FCHO1: variants seen among roughly 807,000 people sequenced by gnomAD.
FCHO1 encodes F-BAR domain only protein 1.
A neutral mutation model predicts 114.4 loss-of-function variants in FCHO1; 45 were observed. That is an observed-to-expected ratio of 0.39 (90% CI 0.31 to 0.50). The LOEUF (loss-of-function observed/expected upper bound fraction) is 0.50, where lower values mean the gene tolerates loss of function less well. FCHO1 is among the 20% of genes least tolerant of loss of function. The pLI is 0.77. For missense variants in FCHO1, 1,042 were observed against 1,209.6 expected, an observed-to-expected ratio of 0.86 and a Z score of 2.06; for synonymous variants, 480 against 488.9, an observed-to-expected ratio of 0.98 and a Z score of 0.24.
rs747707416 is a variant in FCHO1 at position 17,774,399 on chromosome 19, A to G, written c.841A>G (p.Lys281Glu). ...GCCCCCCAATCTATCCTCAGCGATG[A>G]AACGTTTGCGGGGAGCCAAGGCCTT... ...YSAAALQEAM[K>E]RLRGAKAFRL... The change falls in exon 13 of 29, where the codon AAA becomes GAA. Residue 281 changes from lysine (K) to glutamate (E), a missense_variant. Lys to Glu is a moderately conservative substitution (Grantham distance 56). Around this residue, in one of 3 missense-constraint regions of FCHO1, gnomAD observed 450 missense variants for 564.1 expected, o/e 0.80. Transcript: ENST00000596536. The G allele has an allele frequency of 4.3e-6, 7 of 1,614,048 alleles. No individual in the cohort carries two copies. The highest frequency in any genetic ancestry group is 5.9e-6 in the Non-Finnish European group (7 of 1,180,004).
At chr19:17,762,427 G>C (rs998574409) in intron 4 of FCHO1, among the ~76,000 whole-genome samples, 1 of 152,078 alleles carries the variant, frequency 6.6e-6, no homozygotes, top group Non-Finnish European at 1.5e-5. Flanking sequence ...GAAAAGGGGA[G>C]GAGACTGAGA....
intron 4 of FCHO1, among the ~76,000 whole-genome samples, chr19:17,762,370 T>C (rs778098328): frequency 2.0e-5 from 3 of 151,692 alleles, no homozygotes; most frequent in Non-Finnish European, 2.9e-5. Context: ...TGACTTCCAG[T>C]ATCCCCTGTG....
chr19:17,752,625 G>A (rs2082272436), intron 1 of FCHO1, among the ~76,000 whole-genome samples: 1 of 151,018 alleles, frequency 6.6e-6, no homozygotes, highest in African/African-American at 2.4e-5. Context: ...AAGGCCAGGG[G>A]TTGTGGCTCA....
At chr19:17,757,831 G>C (rs1265409915) in intron 4 of FCHO1, among the ~76,000 whole-genome samples, 1 of 148,912 alleles carries the variant, frequency 6.7e-6, no homozygotes, top group South Asian at 2.1e-4. Flanking sequence ...TGGGAGGATC[G>C]CTTGAGCCTG....
In FCHO1 at chr19:17,775,554, C is replaced by T. The variant is rs1423129483; in HGVS notation, c.1003+41C>T. The stretch of plus-strand genomic sequence containing the variant: ...CCCCTGGGGGCAGTTGTTGGCACAG[C>T]AAGGACAAAATTCTCCGTAATAACC... On this transcript the variant is annotated intron_variant, in intron 15 of 28. Coordinates refer to ENST00000596536, the MANE Select transcript of FCHO1 (RefSeq NM_015122.3). This position sits in a 1 kb window ranked among gnomAD's most constrained non-coding sequence, Gnocchi z 5.1. 1 of 1,575,310 alleles carries T rather than the reference C, an allele frequency of 6.3e-7. No individual in the cohort carries two copies. The highest frequency in any genetic ancestry group is 8.7e-7 in the Non-Finnish European group (1 of 1,145,180).
At chr19:17,770,319 A>G in intron 7 of FCHO1, 106 bp from the exon 8 acceptor site, 1 of 968,078 alleles carries the variant, frequency 1.0e-6, no homozygotes, top group Non-Finnish European at 1.4e-6. Context: ...CCAAACCAAA[A>G]CACACACACA....
chr19:17,771,358 T>TAAAAA (rs1269242537), intron 9 of FCHO1, among the ~76,000 whole-genome samples: 3 of 112,588 alleles, frequency 2.7e-5, no homozygotes, highest in Middle Eastern at 5.5e-3. Context: ...CAGGTGTATA[T>TAAAAA]AAAAAAAAAA....
chr19:17,764,564 A>G (rs1245758603), intron 6 of FCHO1, 115 bp downstream of exon 6: 31 of 775,036 alleles, frequency 4.0e-5, no homozygotes, highest in Non-Finnish European at 6.4e-5. Context: ...TTATGGGGCT[A>G]TTTGGATAGA....
Position 17,778,857 on chromosome 19 carries a change from T to C in FCHO1, c.1600T>C (p.Trp534Arg), listed in dbSNP as rs2147216390. ...GCCCCTCGCCTCGTCTCCAGGCCCC[T>C]GGGGGCTGGAGGCCTTGGCCGGAGG... ...PQPLASSPGP[W>R]GLEALAGGDL... Residue 534 changes from tryptophan to arginine, a missense_variant, in exon 20 of 29, where the codon TGG becomes CGG. Physicochemically the swap from Trp to Arg is moderately radical, Grantham distance 101. Coordinates refer to ENST00000596536, the MANE Select transcript of FCHO1 (RefSeq NM_015122.3). 1 of 1,568,712 alleles carries C rather than the reference T, an allele frequency of 6.4e-7. No homozygotes were observed. The highest frequency in any genetic ancestry group is 8.6e-7 in the Non-Finnish European group (1 of 1,165,280).
Position 17,787,774 on chromosome 19 carries a change from C to CT in FCHO1, c.2576dup (p.Ser860ValfsTer66). 1 of 1,611,686 alleles carries CT rather than the reference C, an allele frequency of 6.2e-7. No individual in the cohort carries two copies. The highest frequency in any genetic ancestry group is 8.5e-7 in the Non-Finnish European group (1 of 1,179,352). On this transcript the variant is annotated frameshift_variant, in exon 28 of 29. Transcript: ENST00000596536. LOFTEE classifies it high-confidence loss of function. ...ACAGTTCACCAGCGAGGGGACCACT[C>CT]TGTCGGGCGTGGACTTGGAACTGGT...
At chr19:17,752,302 A>G (rs2082165713) in intron 1 of FCHO1, 1 of 152,114 alleles carries the variant, frequency 6.6e-6, no homozygotes, top group Non-Finnish European at 1.5e-5. Flanking sequence ...TCTTTCAACC[A>G]GGTTGGAGTG....
chr19:17,760,418 T>C (rs2085650634), intron 4 of FCHO1, among the ~76,000 whole-genome samples: 1 of 152,142 alleles, frequency 6.6e-6, no homozygotes, highest in Non-Finnish European at 1.5e-5. Flanking sequence ...TGACAGAATC[T>C]GGCCGGCGTT....
chr19:17,785,677 CA>C (rs956093525), intron 26 of FCHO1, among the ~76,000 whole-genome samples: 15 of 147,622 alleles, frequency 1.0e-4, no homozygotes, highest in African/African-American at 3.0e-4. Context: ...ACTAAAAATA[CA>C]AAAAAAAAAT....
chr19:17,787,771 A>G lies in FCHO1; in HGVS notation c.2572A>G (p.Thr858Ala). The change falls in exon 28 of 29, where the codon ACT (threonine) becomes GCT (alanine). Residue 858 changes from threonine to alanine, a missense_variant. Transcript: ENST00000596536. ...TGCACAGTTCACCAGCGAGGGGACC[A>G]CTCTGTCGGGCGTGGACTTGGAACT... ...VAAQFTSEGT[T>A]LSGVDLELVG... is the part of the protein sequence containing the mutation. The G allele has an allele frequency of 6.2e-7, 1 of 1,611,118 alleles. No homozygotes were observed. The highest frequency in any genetic ancestry group is 1.3e-5 in the African/African-American group (1 of 74,976).
At chr19:17,760,425 C>T (rs1048707523) in intron 4 of FCHO1, among the ~76,000 whole-genome samples, 2 of 152,058 alleles carry the variant, frequency 1.3e-5, no homozygotes, top group Non-Finnish European at 2.9e-5. Context: ...ATCTGGCCGG[C>T]GTTAAGATAT....
In FCHO1 at chr19:17,781,832, T is replaced by C; in HGVS notation, c.1937+12T>C. 6.4e-7 allele frequency: 1 copy of C among 1,550,906 alleles called. No individual in the cohort carries two copies. The highest frequency in any genetic ancestry group is 1.2e-5 in the South Asian group (1 of 83,658). ...GGCCACAGCCCCAGGTACCCAGTGA[T>C]GGGCAGACAGGGCCCGTGGGAAGTC... On this transcript the variant is annotated intron_variant, in intron 23 of 28. Transcript: ENST00000596536.
chr19:17,761,633 CAT>C (rs55848959), intron 4 of FCHO1, among the ~76,000 whole-genome samples: 25,651 of 142,560 alleles, frequency 0.18, 2,379 homozygotes, highest in African/African-American at 0.22. Flanking sequence ...CATGTATATA[CAT>C]ATATATATAT....
chr19:17,786,558 AT>A lies in FCHO1; in HGVS notation c.2427-14del. ...CCTCTCTGGGGAAGCCCTGATTAAG[AT>A]TCTTTCTCTGCCAGGAACCTGGAGG... On this transcript the variant is annotated splice_polypyrimidine_tract_variant and intron_variant, in intron 26 of 28. Transcript: ENST00000596536. 6.7e-7 allele frequency: 1 copy of A among 1,489,146 alleles called. No individual in the cohort carries two copies. Among genetic ancestry groups the A allele is most frequent in the South Asian group, 1.1e-5 (1 of 89,366 alleles). The allele number at this position is 1,489,146 out of a possible 1,614,324, so 92.2% of individuals were successfully genotyped here.
intron 20 of FCHO1, among the ~76,000 whole-genome samples, chr19:17,779,522 C>T (rs183409618): frequency 6.8e-6 from 1 of 146,570 alleles, no homozygotes; most frequent in African/African-American, 2.5e-5. Flanking sequence ...GGGGAGAGTT[C>T]GGAGGAGTAA....
Sources: gnomAD v4.1 joint callset for allele counts (sites outside exome capture counted in the v4.1 genomes callset) on GRCh38, gnomAD v4.1.1 for gene constraint, gnomAD v4.1.1 regional missense constraint, Gnocchi (gnomAD v3.1) non-coding constraint, MANE v1.5 for transcripts, NCBI Gene and HGNC (gene_info 2026-07-23, HGNC 2026-07-21) for gene names.